TENM4: variants seen among roughly 807,000 people sequenced by gnomAD.
TENM4 encodes teneurin-4.
A neutral mutation model predicts 243.3 loss-of-function variants in TENM4; 82 were observed. The ratio of observed to expected loss-of-function variants is 0.34; its 90% CI spans 0.28 to 0.40. TENM4 has a LOEUF of 0.40. Among genes scored for constraint, TENM4 ranks in the 10% least tolerant of loss-of-function variants. The pLI is 1.00. For synonymous variants in TENM4, 1,412 were observed against 1,456.3 expected, an observed-to-expected ratio of 0.97 and a Z score of 0.69; for missense variants, 3,138 against 3,673.3, an observed-to-expected ratio of 0.85 and a Z score of 3.77.
intron 1 of TENM4, among the ~76,000 whole-genome samples, chr11:79,393,044 C>T (rs1368946153): frequency 6.6e-6 from 1 of 152,154 alleles, no homozygotes; most frequent in Non-Finnish European, 1.5e-5. Context: ...CTGATAACTC[C>T]CCTTTTCGTG....
chr11:79,310,090 C>T (rs1346344245), intron 1 of TENM4, among the ~76,000 whole-genome samples: 5 of 152,178 alleles, frequency 3.3e-5, no homozygotes, highest in Admixed American at 1.3e-4. Flanking sequence ...AAACCCCTGA[C>T]GCAGGGTCCT....
chr11:78,952,386 G>A (rs1278588412), intron 6 of TENM4, among the ~76,000 whole-genome samples: 1 of 152,206 alleles, frequency 6.6e-6, no homozygotes, highest in Non-Finnish European at 1.5e-5. Flanking sequence ...ATCAGGACCC[G>A]AGCTGCCAGC....
chr11:79,198,691 CTTAA>C (rs1427990208), intron 3 of TENM4, among the ~76,000 whole-genome samples: 5 of 152,192 alleles, frequency 3.3e-5, no homozygotes, highest in African/African-American at 1.2e-4. Flanking sequence ...CTTCCATGCA[CTTAA>C]TTGACAAATA....
chr11:79,064,571 G>T, intron 6 of TENM4, 167 bp downstream of exon 6: 1 of 859,842 alleles, frequency 1.2e-6, no homozygotes, highest in Non-Finnish European at 1.8e-6. Flanking sequence ...TCATGGGTGG[G>T]CATTTCACGT....
intron 4 of TENM4, among the ~76,000 whole-genome samples, chr11:79,139,779 T>TATATTATATTTATATAAATATATA: frequency 1.1e-4 from 3 of 27,844 alleles, no homozygotes; most frequent in African/African-American, 5.6e-4. Flanking sequence ...AAATATATAA[T>TATATTATATTTATATAAATATATA]ATATATTATA....
At chr11:79,134,247 A>C (rs1408047291) in intron 4 of TENM4, among the ~76,000 whole-genome samples, 5 of 152,130 alleles carry the variant, frequency 3.3e-5, no homozygotes, top group African/African-American at 1.2e-4. Flanking sequence ...TCCTTTTACA[A>C]TAGCTGCAAA....
chr11:78,760,477 A>G (rs905870458), intron 18 of TENM4, among the ~76,000 whole-genome samples: 1 of 152,220 alleles, frequency 6.6e-6, no homozygotes, highest in Non-Finnish European at 1.5e-5. Context: ...AGACTCACCA[A>G]TCTGTCTCTA....
intron 9 of TENM4, among the ~76,000 whole-genome samples, chr11:78,881,577 C>A (rs1015645132): frequency 6.6e-6 from 1 of 152,126 alleles, no homozygotes; most frequent in Non-Finnish European, 1.5e-5. Context: ...GGGGGTAGTA[C>A]CATTCCTTGA....
chr11:79,045,355 A>C (rs1859631113), intron 6 of TENM4, among the ~76,000 whole-genome samples: 1 of 152,182 alleles, frequency 6.6e-6, no homozygotes, highest in South Asian at 2.1e-4. Context: ...AAGCTGAATT[A>C]AGGGAGAGTG....
intron 12 of TENM4, among the ~76,000 whole-genome samples, chr11:78,832,304 T>C (rs1269511214): frequency 1.3e-5 from 2 of 151,094 alleles, no homozygotes; most frequent in Non-Finnish European, 1.5e-5. Context: ...TTGTGCCATA[T>C]AGTACTCCCC....
chr11:79,378,824 A>T (rs1857942596), intron 1 of TENM4, among the ~76,000 whole-genome samples: 1 of 147,204 alleles, frequency 6.8e-6, no homozygotes, highest in African/African-American at 2.5e-5. Flanking sequence ...TTGAGGCTGT[A>T]GTGAGCTATG....
At chr11:79,216,907 G>A (rs565547779) in intron 2 of TENM4, among the ~76,000 whole-genome samples, 2 of 152,264 alleles carry the variant, frequency 1.3e-5, no homozygotes, top group Admixed American at 1.3e-4. Flanking sequence ...TATACCACAT[G>A]GGAGGGTTGG....
At position 78,947,603 on chromosome 11, in the gene TENM4, G is replaced by A. The variant is rs573873749; in HGVS notation, c.494-44080C>T. ...TTTTATGCCTTAGCTATAAACCTCCGACAGAGAGAGTGCGGGGGCAAGGCT... is the reference window on the plus strand; with the variant it reads ...TTTTATGCCTTAGCTATAAACCTCCAACAGAGAGAGTGCGGGGGCAAGGCT... On this transcript the variant is annotated intron_variant, in intron 6 of 33. Coordinates refer to ENST00000278550, the MANE Select transcript of TENM4 (RefSeq NM_001098816.3). Among the ~76,000 whole-genome samples the A allele has an allele frequency of 1.1e-4, 16 of 152,298 alleles. No homozygotes were observed. The South Asian group carries it at 2.9e-3, about 28-fold the overall frequency.
intron 3 of TENM4, among the ~76,000 whole-genome samples, chr11:79,202,563 C>A (rs1477003173): frequency 6.6e-6 from 1 of 152,226 alleles, no homozygotes; most frequent in African/African-American, 2.4e-5. Flanking sequence ...TTCTCTGTCC[C>A]TCTGTTCCCT....
chr11:79,329,892 G>C (rs1857034391), intron 1 of TENM4, among the ~76,000 whole-genome samples: 1 of 152,202 alleles, frequency 6.6e-6, no homozygotes. Context: ...ATTTACATTT[G>C]TAAAATATCT....
chr11:78,717,961 T>C (rs1386173833), intron 25 of TENM4, among the ~76,000 whole-genome samples: 2 of 152,154 alleles, frequency 1.3e-5, no homozygotes, highest in African/African-American at 4.8e-5. Context: ...TGGGTTTCTG[T>C]ACTGAGCATG....
chr11:78,764,113 C>T (rs1232284570), intron 18 of TENM4, among the ~76,000 whole-genome samples: 1 of 152,196 alleles, frequency 6.6e-6, no homozygotes, highest in African/African-American at 2.4e-5. Context: ...ATGGCCACCT[C>T]CTGGCCTTTA....
At chr11:79,216,702 C>T (rs1348122183) in intron 2 of TENM4, among the ~76,000 whole-genome samples, 1 of 152,198 alleles carries the variant, frequency 6.6e-6, no homozygotes, top group Admixed American at 6.5e-5. Context: ...TGCCCTTCCG[C>T]CTTTTCCCCT....
At chr11:79,075,781 G>A (rs992748465) in intron 4 of TENM4, among the ~76,000 whole-genome samples, 8 of 152,194 alleles carry the variant, frequency 5.3e-5, no homozygotes, top group Admixed American at 3.3e-4. Context: ...CTGTCAGTCT[G>A]CTCCAGACAT....
Sources: gnomAD v4.1 joint callset for allele counts (sites outside exome capture counted in the v4.1 genomes callset) on GRCh38, gnomAD v4.1.1 for gene constraint, MANE v1.5 for transcripts, NCBI Gene and HGNC (gene_info 2026-07-23, HGNC 2026-07-21) for gene names.